Variants in NIM1K observed in about 807,000 individuals in gnomAD.
The protein encoded by NIM1K is NIM1 serine/threonine protein kinase, also known as serine/threonine-protein kinase NIM1.
Under a neutral mutation model 37.1 loss-of-function variants are expected in NIM1K, and 35 were observed. That is an observed-to-expected ratio of 0.94 (90% CI 0.72 to 1.25). NIM1K has a LOEUF of 1.25. NIM1K is among the 50% of genes most tolerant of loss of function. The pLI, the probability that NIM1K is intolerant of heterozygous loss-of-function variation, is 0.00. For synonymous variants in NIM1K, 234 were observed against 206.6 expected (o/e 1.13, Z -1.14); for missense variants, 564 against 548.0 (o/e 1.03, Z -0.29).
chr5:43,277,372 C>T (rs776902581), intron 3 of NIM1K, 47 bp downstream of exon 3: 9 of 1,577,294 alleles, frequency 5.7e-6, no homozygotes, highest in Non-Finnish European at 7.8e-6. Flanking sequence ...TGCACTGACA[C>T]TGGGAGCACA....
chr5:43,264,617 A>G (rs1254960373), intron 2 of NIM1K, among the ~76,000 whole-genome samples: 1 of 152,178 alleles, frequency 6.6e-6, no homozygotes, highest in African/African-American at 2.4e-5. Context: ...TAGCCTATTT[A>G]CATTTAAGGT....
chr5:43,227,369 A>T (rs1752472805), intron 1 of NIM1K, among the ~76,000 whole-genome samples: 1 of 152,206 alleles, frequency 6.6e-6, no homozygotes, highest in Non-Finnish European at 1.5e-5. Context: ...AAAAGAAAAA[A>T]ATAATAAAAT....
At chr5:43,273,181 C>G (rs1305955173) in intron 2 of NIM1K, among the ~76,000 whole-genome samples, 1 of 151,916 alleles carries the variant, frequency 6.6e-6, no homozygotes, top group Admixed American at 6.6e-5. Flanking sequence ...CTCTGCACTT[C>G]TCACATCTTG....
intron 2 of NIM1K, among the ~76,000 whole-genome samples, chr5:43,265,584 AGTTT>A (rs1442140773): frequency 6.6e-6 from 1 of 152,166 alleles, no homozygotes; most frequent in African/African-American, 2.4e-5. Context: ...AGCTTGGAGA[AGTTT>A]GTTATTACCA....
In NIM1K at chr5:43,205,006, GAAC is replaced by G. The variant is rs374930284; in HGVS notation, c.-695+12607_-695+12609del. The stretch of plus-strand genomic sequence containing the variant: ...GGGAGACCCTGTCTCAAAAAAACAC[GAAC>G]AACAACAACAAAAAAACAAAAACAA... On this transcript the variant is annotated intron_variant, in intron 1 of 3. Transcript: ENST00000326035. 7.1e-3 allele frequency among the ~76,000 whole-genome samples: 1,072 copies of G among 152,052 alleles called. 7 individuals are homozygous for G. Among genetic ancestry groups the G allele is most frequent in the Middle Eastern group, 0.034 (10 of 294 alleles).
At chr5:43,268,324 G>C (rs531792124) in intron 2 of NIM1K, among the ~76,000 whole-genome samples, 10 of 152,346 alleles carry the variant, frequency 6.6e-5, no homozygotes, top group Middle Eastern at 3.4e-3. Context: ...CTAGGATGGA[G>C]ATATTACTCA....
intron 1 of NIM1K, among the ~76,000 whole-genome samples, chr5:43,196,369 C>T (rs1579949644): frequency 6.6e-6 from 1 of 152,132 alleles, no homozygotes; most frequent in East Asian, 1.9e-4. Context: ...TGGCTTACGC[C>T]TGTAATCCCA....
chr5:43,226,472 G>A (rs1579966210), intron 1 of NIM1K, among the ~76,000 whole-genome samples: 1 of 152,292 alleles, frequency 6.6e-6, no homozygotes, highest in Non-Finnish European at 1.5e-5. Flanking sequence ...GAGGAGTGAG[G>A]ATGTTTGGCT....
intron 1 of NIM1K, among the ~76,000 whole-genome samples, chr5:43,194,255 G>C (rs569417777): frequency 5.9e-5 from 9 of 152,272 alleles, no homozygotes; most frequent in Admixed American, 3.3e-4. Flanking sequence ...GAGAATGTAG[G>C]GGGGGATTCC....
chr5:43,274,441 C>A (rs954579908), intron 2 of NIM1K, among the ~76,000 whole-genome samples: 2 of 152,106 alleles, frequency 1.3e-5, no homozygotes, highest in African/African-American at 4.8e-5. Context: ...TACAGGAAAT[C>A]GAAGGGTGGA....
chr5:43,274,701 C>A (rs1365873017), intron 2 of NIM1K, among the ~76,000 whole-genome samples: 1 of 152,224 alleles, frequency 6.6e-6, no homozygotes, highest in African/African-American at 2.4e-5. Flanking sequence ...TCCCACCGCT[C>A]AGTATTGCCT....
chr5:43,269,722 C>T (rs1028117654), intron 2 of NIM1K, among the ~76,000 whole-genome samples: 1 of 151,838 alleles, frequency 6.6e-6, no homozygotes, highest in African/African-American at 2.4e-5. Context: ...GGGTTCATGC[C>T]ATTCTCCTGC....
At chr5:43,279,865 C>A (rs905047054) in intron 3 of NIM1K, 115 bp from the exon 4 acceptor site, 37 of 850,162 alleles carry the variant, frequency 4.4e-5, no homozygotes, top group Non-Finnish European at 6.3e-5. Context: ...TTAAGGTGAT[C>A]CTCACTGAAT....
At chr5:43,221,682 T>C (rs1752383312) in intron 1 of NIM1K, among the ~76,000 whole-genome samples, 1 of 152,142 alleles carries the variant, frequency 6.6e-6, no homozygotes, top group African/African-American at 2.4e-5. Context: ...AACAGCCGGA[T>C]TGGTTATACA....
chr5:43,255,754 A>AAAG (rs1554016083), intron 2 of NIM1K, among the ~76,000 whole-genome samples: 153 of 131,894 alleles, frequency 1.2e-3, no homozygotes, highest in Middle Eastern at 7.9e-3. Flanking sequence ...TCTCAAAAAA[A>AAAG]AAAGAAAGAA....
At chr5:43,205,597 A>C (rs1441322685) in intron 1 of NIM1K, among the ~76,000 whole-genome samples, 4 of 152,200 alleles carry the variant, frequency 2.6e-5, no homozygotes, top group Non-Finnish European at 1.5e-5. Context: ...TACAAAAAAT[A>C]CAAATTAAAA....
chr5:43,260,328 AC>A (rs748615480), intron 2 of NIM1K, among the ~76,000 whole-genome samples: 40 of 152,262 alleles, frequency 2.6e-4, no homozygotes, highest in Middle Eastern at 3.4e-3. Flanking sequence ...AATGCTTTCA[AC>A]TTTTCCCCAT....
intron 1 of NIM1K, among the ~76,000 whole-genome samples, chr5:43,224,190 C>A (rs1752421068): frequency 6.6e-6 from 1 of 152,008 alleles, no homozygotes; most frequent in Admixed American, 6.6e-5. Flanking sequence ...AGGCGTGAGC[C>A]ACCGCACCCG....
intron 1 of NIM1K, among the ~76,000 whole-genome samples, chr5:43,234,238 A>G (rs1415144788): frequency 1.2e-5 from 1 of 84,592 alleles, no homozygotes; most frequent in Non-Finnish European, 2.8e-5. Context: ...ATGTCGTGTC[A>G]TTCTTTCATT....
Sources: allele counts gnomAD v4.1 joint callset (sites outside exome capture counted in the v4.1 genomes callset), GRCh38; gene constraint gnomAD v4.1.1; transcripts MANE v1.5; gene names NCBI Gene and HGNC (gene_info 2026-07-23, HGNC 2026-07-21).